The following LARGE1 variants were observed in gnomAD, a reference collection of about 807,000 sequenced individuals.
LARGE1 encodes the protein LARGE xylosyl- and glucuronyltransferase 1, also known as xylosyl- and glucuronyltransferase LARGE1.
In LARGE1, 43 loss-of-function variants were observed where a neutral mutation model predicts 87.6. That is an observed-to-expected ratio of 0.49 (90% CI 0.38 to 0.63). The LOEUF (loss-of-function observed/expected upper bound fraction) is 0.63. Among genes scored for constraint, LARGE1 ranks in the 30% least tolerant of loss-of-function variants. The pLI is 0.00. For missense variants in LARGE1, 802 were observed against 1,000.2 expected, an observed-to-expected ratio of 0.80 and a Z score of 2.67; for synonymous variants, 434 against 394.6, an observed-to-expected ratio of 1.10 and a Z score of -1.18.
In LARGE1 at chr22:33,419,151, G is replaced by A. The variant is rs117564269; in HGVS notation, c.892+13010C>T. ...TTACATGGTGGCAGGCAAGAGAGAAGTCCAGTTGCAAGCACAGGAAAAATC... is the reference window on the plus strand; with the variant it reads ...TTACATGGTGGCAGGCAAGAGAGAAATCCAGTTGCAAGCACAGGAAAAATC... On this transcript the variant is annotated intron_variant, in intron 7 of 14. Transcript: ENST00000397394. Among the ~76,000 whole-genome samples the A allele has an allele frequency of 3.3e-5, 5 of 152,140 alleles. No individual in the cohort carries two copies. In the East Asian group the frequency reaches 9.7e-4, roughly 29 times the overall value.
intron 7 of LARGE1, among the ~76,000 whole-genome samples, chr22:33,396,230 G>A (rs139644886): frequency 1.3e-5 from 2 of 152,300 alleles, no homozygotes; most frequent in East Asian, 1.9e-4. Context: ...CCTCAGAATC[G>A]CAACCTTCCT....
At chr22:33,078,368 G>A in the LARGE1 span, among the ~76,000 whole-genome samples, 1 of 152,168 alleles carries the variant, frequency 6.6e-6, no homozygotes, top group South Asian at 2.1e-4. Flanking sequence ...CAGGCAGTAG[G>A]AGCCAATATT....
At chr22:33,759,876 C>T (rs2084659812) in intron 2 of LARGE1, among the ~76,000 whole-genome samples, 1 of 152,128 alleles carries the variant, frequency 6.6e-6, no homozygotes, top group African/African-American at 2.4e-5. Context: ...GCTCTATCTA[C>T]CTGCTTAGAT....
At chr22:33,473,051 G>A (rs2068915339) in intron 6 of LARGE1, among the ~76,000 whole-genome samples, 2 of 152,148 alleles carry the variant, frequency 1.3e-5, no homozygotes. Context: ...AACTTTTAAT[G>A]CTAAAATTGG....
intron 2 of LARGE1, among the ~76,000 whole-genome samples, chr22:33,670,767 T>C (rs1272633600): frequency 6.6e-6 from 1 of 152,170 alleles, no homozygotes; most frequent in Non-Finnish European, 1.5e-5. Context: ...GTTTGAAAAA[T>C]TGTACAGTGC....
chr22:33,360,921 T>C lies in LARGE1; in HGVS notation c.1131+20998A>G, dbSNP rs796224409. Among the ~76,000 whole-genome samples, 11 of 149,810 alleles carry C rather than the reference T, an allele frequency of 7.3e-5. 2 individuals are homozygous for C. The highest frequency in any genetic ancestry group is 2.5e-4 in the African/African-American group (10 of 40,802). On this transcript the variant is annotated intron_variant, in intron 9 of 14. Transcript: ENST00000397394. ...CTCTCTCCCCTGTATGTAATCCCGA[T>C]AAAACCCCATGTCGGCCGGGCACAG...
chr22:33,517,053 T>C (rs150919209), intron 6 of LARGE1, among the ~76,000 whole-genome samples: 2,541 of 152,008 alleles, frequency 0.017, 26 homozygotes, highest in Middle Eastern at 0.037. Context: ...GGACGAGGAG[T>C]GTGAATAATT....
At position 33,710,312 on chromosome 22, in the gene LARGE1, G is replaced by C. The variant is rs552833605; in HGVS notation, c.106+51059C>G. Reference sequence around the variant, plus strand: ...TTTAAAGACTAACGTCTTCTCAGAAGAGACTGAACCAGTGAATCAAAGAAT... The same window carrying C: ...TTTAAAGACTAACGTCTTCTCAGAACAGACTGAACCAGTGAATCAAAGAAT... On this transcript the variant is annotated intron_variant, in intron 2 of 14. Transcript: ENST00000397394. 2.0e-5 allele frequency among the ~76,000 whole-genome samples: 3 copies of C among 152,288 alleles called. No individual in the cohort carries two copies. The South Asian group carries it at 6.2e-4, about 32-fold the overall frequency.
chr22:33,470,484 C>T (rs1004416000), intron 6 of LARGE1, among the ~76,000 whole-genome samples: 1 of 152,118 alleles, frequency 6.6e-6, no homozygotes, highest in Non-Finnish European at 1.5e-5. Context: ...CAGTCTTTGC[C>T]CTCAAAGATC....
intron 11 of LARGE1, among the ~76,000 whole-genome samples, chr22:33,168,701 C>T (rs1442931309): frequency 2.6e-5 from 4 of 152,096 alleles, no homozygotes; most frequent in South Asian, 4.1e-4. Flanking sequence ...CATAACATTC[C>T]AAGTTTTTTC....
the LARGE1 span, among the ~76,000 whole-genome samples, chr22:33,081,368 C>A: frequency 6.6e-6 from 1 of 152,180 alleles, no homozygotes; most frequent in Non-Finnish European, 1.5e-5. Context: ...GAAGGACCAT[C>A]TCCAGAAGTA....
intron 7 of LARGE1, among the ~76,000 whole-genome samples, chr22:33,427,605 G>C (rs1027656567): frequency 3.3e-5 from 5 of 152,254 alleles, no homozygotes; most frequent in Non-Finnish European, 5.9e-5. Flanking sequence ...GTCAATGAAT[G>C]AATGTGTAGT....
chr22:33,365,972 T>C (rs1483014030), intron 9 of LARGE1, among the ~76,000 whole-genome samples: 1 of 152,228 alleles, frequency 6.6e-6, no homozygotes, highest in Non-Finnish European at 1.5e-5. Flanking sequence ...TGTGATTAAA[T>C]TTACGGATTC....
intron 7 of LARGE1, among the ~76,000 whole-genome samples, chr22:33,388,450 A>G (rs1394781600): frequency 1.3e-5 from 2 of 152,222 alleles, no homozygotes; most frequent in Admixed American, 6.5e-5. Flanking sequence ...CACCTTTTAC[A>G]TTTCTTTTAT....
At chr22:33,408,003 C>T (rs1392792500) in intron 7 of LARGE1, among the ~76,000 whole-genome samples, 6 of 139,022 alleles carry the variant, frequency 4.3e-5, no homozygotes, top group African/African-American at 1.6e-4. Context: ...TTTTTTGAGA[C>T]GGAGTCTTTT....
chr22:33,268,580 AC>A (rs1263175283), downstream of LARGE1, among the ~76,000 whole-genome samples: 1 of 151,690 alleles, frequency 6.6e-6, no homozygotes, highest in African/African-American at 2.4e-5. Context: ...GGTGCCCGCC[AC>A]CACGCCCGGC....
intron 1 of LARGE1, among the ~76,000 whole-genome samples, chr22:33,796,812 C>T (rs1208863104): frequency 2.7e-5 from 4 of 146,068 alleles, no homozygotes; most frequent in African/African-American, 7.7e-5. Context: ...GATGTCGCTC[C>T]GTCTCCTAGG....
intron 9 of LARGE1, among the ~76,000 whole-genome samples, chr22:33,364,937 C>T (rs1216415338): frequency 6.6e-6 from 1 of 152,118 alleles, no homozygotes; most frequent in African/African-American, 2.4e-5. Flanking sequence ...CTCAAGCAAT[C>T]CACCTGCCTC....
intron 9 of LARGE1, among the ~76,000 whole-genome samples, chr22:33,339,158 A>AT (rs1938853703): frequency 6.6e-6 from 1 of 151,070 alleles, no homozygotes; most frequent in African/African-American, 2.4e-5. Flanking sequence ...AAAAAATAAA[A>AT]AAAAAAAAAA....
Sources: allele counts gnomAD v4.1 joint callset (sites outside exome capture counted in the v4.1 genomes callset), GRCh38; gene constraint gnomAD v4.1.1; transcripts MANE v1.5; gene names NCBI Gene and HGNC (gene_info 2026-07-23, HGNC 2026-07-21).